The following SERGEF variants were observed in gnomAD, a reference collection of about 807,000 sequenced individuals.
SERGEF encodes the protein secretion-regulating guanine nucleotide exchange factor.
Under a neutral mutation model 50.0 loss-of-function variants are expected in SERGEF, and 51 were observed. The ratio of observed to expected loss-of-function variants is 1.02; its 90% CI spans 0.81 to 1.29. The LOEUF (loss-of-function observed/expected upper bound fraction) is 1.29. Ranked by LOEUF, SERGEF falls within the 50% of genes most tolerant of loss-of-function variation. The pLI is 0.00. For missense variants in SERGEF, 521 were observed against 557.0 expected, an observed-to-expected ratio of 0.94 and a Z score of 0.65; for synonymous variants, 205 against 212.4, an observed-to-expected ratio of 0.97 and a Z score of 0.30.
rs2133814740 is a variant in SERGEF at position 17,788,132 on chromosome 11, T to C, written c.1330A>G (p.Thr444Ala). The change falls in exon 11 of 11, where the codon ACT (threonine) becomes GCT (alanine). Residue 444 changes from threonine (T) to alanine (A), a missense_variant. Physicochemically the swap from Thr to Ala is moderately conservative, Grantham distance 58. Transcript: ENST00000265965. ...CAGTCAGATTGGCTTTGGGTTGAAGTTTCTGATTGTCTTTCCTTCCAGTTT... is the reference window on the plus strand; with the variant it reads ...CAGTCAGATTGGCTTTGGGTTGAAGCTTCTGATTGTCTTTCCTTCCAGTTT... ...ERNWKERQSE[T>A]STQSQSDWSR... 1.3e-6 allele frequency: 2 copies of C among 1,570,726 alleles called. No homozygotes were observed. The highest frequency in any genetic ancestry group is 1.7e-6 in the Non-Finnish European group (2 of 1,152,488).
At chr11:17,876,189 G>A (rs947078858) in intron 10 of SERGEF, among the ~76,000 whole-genome samples, 1 of 152,184 alleles carries the variant, frequency 6.6e-6, no homozygotes, top group Non-Finnish European at 1.5e-5. Flanking sequence ...AGAGCCCTGT[G>A]CCTGCACTCA....
chr11:17,908,252 A>T (rs900206388), intron 9 of SERGEF, among the ~76,000 whole-genome samples: 1 of 152,156 alleles, frequency 6.6e-6, no homozygotes, highest in African/African-American at 2.4e-5. Flanking sequence ...CTCCTGTCTC[A>T]TCCCTCACCA....
At chr11:17,893,569 G>A (rs1224573104) in intron 9 of SERGEF, among the ~76,000 whole-genome samples, 1 of 152,020 alleles carries the variant, frequency 6.6e-6, no homozygotes, top group East Asian at 1.9e-4. Flanking sequence ...AATAAATACT[G>A]GGCCTCTTTT....
chr11:18,004,972 C>T (rs1854044524), intron 3 of SERGEF, among the ~76,000 whole-genome samples: 1 of 152,162 alleles, frequency 6.6e-6, no homozygotes, highest in African/African-American at 2.4e-5. Flanking sequence ...TGGCTTGGCA[C>T]CTCCCTCTCA....
Position 17,944,223 on chromosome 11 carries a change from G to A in SERGEF, c.1011+15247C>T, listed in dbSNP as rs144563494. ...ATTACAGGTGTCAGCCACCGTGCCC[G>A]GCCTTTATTTTTTTCTAAACTGTCT... On this transcript the variant is annotated intron_variant, in intron 9 of 10. Transcript: ENST00000265965. Among the ~76,000 whole-genome samples, 656 of 152,134 alleles carry A rather than the reference G, an allele frequency of 4.3e-3. 2 individuals carry two copies. The highest frequency in any genetic ancestry group is 7.1e-3 in the African/African-American group (296 of 41,500).
intron 9 of SERGEF, among the ~76,000 whole-genome samples, chr11:17,929,941 G>A (rs1852321640): frequency 6.6e-6 from 1 of 152,198 alleles, no homozygotes; most frequent in Admixed American, 6.5e-5. Context: ...TGCCTCTCCA[G>A]TTACGAGCAC....
At chr11:17,825,423 C>A (rs140108033) in intron 10 of SERGEF, among the ~76,000 whole-genome samples, 1 of 152,114 alleles carries the variant, frequency 6.6e-6, no homozygotes, top group East Asian at 1.9e-4. Context: ...AGCAAGAGAG[C>A]GTGACTTGGT....
intron 10 of SERGEF, among the ~76,000 whole-genome samples, chr11:17,815,567 A>C (rs989885618): frequency 1.3e-5 from 2 of 150,106 alleles, no homozygotes; most frequent in Non-Finnish European, 2.9e-5. Context: ...GTGAGCCAAG[A>C]TTGTGCCACT....
At chr11:18,000,832 T>C (rs138171047) in intron 4 of SERGEF, 7,027 of 598,468 alleles carry the variant, frequency 0.012, 75 homozygotes, top group Middle Eastern at 0.042. Flanking sequence ...AGTTAGTAAA[T>C]GTTTTCTGTA....
chr11:17,798,886 G>A (rs1277021713), intron 10 of SERGEF, among the ~76,000 whole-genome samples: 1 of 152,218 alleles, frequency 6.6e-6, no homozygotes, highest in Admixed American at 6.5e-5. Flanking sequence ...GGCTGGGAGA[G>A]GTCCAGAAGC....
At chr11:18,004,097 T>A (rs1468220312) in intron 4 of SERGEF, among the ~76,000 whole-genome samples, 1 of 152,246 alleles carries the variant, frequency 6.6e-6, no homozygotes, top group Non-Finnish European at 1.5e-5. Context: ...TAGCTTAGTG[T>A]CTTTCGACAA....
intron 10 of SERGEF, among the ~76,000 whole-genome samples, chr11:17,808,181 C>T (rs1267895620): frequency 6.6e-6 from 1 of 152,172 alleles, no homozygotes; most frequent in African/African-American, 2.4e-5. Context: ...GGCTTGGGCC[C>T]CTTGGAATGT....
chr11:18,006,910 C>G (rs1352767150), intron 2 of SERGEF, among the ~76,000 whole-genome samples, 164 bp from the exon 3 acceptor site: 1 of 152,216 alleles, frequency 6.6e-6, no homozygotes, highest in Non-Finnish European at 1.5e-5. Context: ...CCAAACAACA[C>G]AAGGCCAAGG....
At chr11:17,843,242 C>T (rs1008960137) in intron 10 of SERGEF, among the ~76,000 whole-genome samples, 4 of 152,218 alleles carry the variant, frequency 2.6e-5, no homozygotes, top group South Asian at 2.1e-4. Context: ...TATTGTCATC[C>T]TCTGCGGCCT....
intron 10 of SERGEF, among the ~76,000 whole-genome samples, chr11:17,848,148 G>A (rs1200613029): frequency 6.6e-6 from 1 of 152,152 alleles, no homozygotes; most frequent in Non-Finnish European, 1.5e-5. Context: ...TGACCCTAAG[G>A]AAGGCCCAGT....
intron 10 of SERGEF, among the ~76,000 whole-genome samples, chr11:17,813,580 AC>A (rs1849911333): frequency 6.6e-6 from 1 of 152,210 alleles, no homozygotes; most frequent in African/African-American, 2.4e-5. Context: ...GCAGAATGCC[AC>A]CTGAAACATT....
At chr11:17,830,512 A>C (rs1850273973) in intron 10 of SERGEF, among the ~76,000 whole-genome samples, 1 of 151,610 alleles carries the variant, frequency 6.6e-6, no homozygotes, top group Admixed American at 6.6e-5. Context: ...ATGCATCGTA[A>C]CATGGTAGAT....
intron 9 of SERGEF, among the ~76,000 whole-genome samples, chr11:17,941,188 T>G (rs762955239): frequency 2.6e-5 from 4 of 152,248 alleles, no homozygotes; most frequent in Non-Finnish European, 4.4e-5. Flanking sequence ...CATATGCTGA[T>G]GAGTCTTTCC....
intron 5 of SERGEF, among the ~76,000 whole-genome samples, chr11:17,996,478 T>C (rs570865104): frequency 1.3e-5 from 2 of 152,382 alleles, no homozygotes; most frequent in African/African-American, 4.8e-5. Flanking sequence ...GACTGCAAGA[T>C]AGCTTCTTAA....
Sources: allele counts gnomAD v4.1 joint callset (sites outside exome capture counted in the v4.1 genomes callset), GRCh38; gene constraint gnomAD v4.1.1; transcripts MANE v1.5; gene names NCBI Gene and HGNC (gene_info 2026-07-23, HGNC 2026-07-21).